Variants in PREX1 observed in about 807,000 individuals in gnomAD.
PREX1 encodes phosphatidylinositol-3,4,5-trisphosphate dependent Rac exchange factor 1, also known as phosphatidylinositol 3,4,5-trisphosphate-dependent Rac exchanger 1 protein.
In PREX1, 41 loss-of-function variants were observed where a neutral mutation model predicts 198.3. That is an observed-to-expected ratio of 0.21 (90% confidence interval 0.16 to 0.27). The LOEUF (loss-of-function observed/expected upper bound fraction) is 0.27, where lower values mean the gene tolerates loss of function less well. Ranked by LOEUF, PREX1 falls within the 10% of genes least tolerant of loss-of-function variation. PREX1 has a pLI of 1.00. For synonymous variants in PREX1, 843 were observed against 887.2 expected (o/e 0.95, Z 0.89); for missense variants, 1,620 against 2,200.7 (o/e 0.74, Z 5.28).
the PREX1 span, among the ~76,000 whole-genome samples, chr20:48,864,592 C>T: frequency 6.6e-6 from 1 of 152,162 alleles, no homozygotes; most frequent in African/African-American, 2.4e-5. Context: ...CATCGCTCAT[C>T]GAAGTCAGGG....
chr20:48,813,664 G>A (rs2090446324), intron 1 of PREX1, among the ~76,000 whole-genome samples: 1 of 152,138 alleles, frequency 6.6e-6, no homozygotes, highest in African/African-American at 2.4e-5. Flanking sequence ...TGGAGACAGG[G>A]AAGAAGAAAG....
chr20:48,697,276 C>G (rs1322456071), intron 7 of PREX1, among the ~76,000 whole-genome samples: 1 of 152,200 alleles, frequency 6.6e-6, no homozygotes, highest in African/African-American at 2.4e-5. Flanking sequence ...ATGAGGACTA[C>G]TTTTATCCCC....
intron 4 of PREX1, among the ~76,000 whole-genome samples, chr20:48,728,546 T>C (rs904038441): frequency 6.6e-6 from 1 of 152,212 alleles, no homozygotes; most frequent in African/African-American, 2.4e-5. Flanking sequence ...AGATGGGGGA[T>C]TGAGGCTGCG....
At position 48,717,907 on chromosome 20, in the gene PREX1, T is replaced by C. The variant is rs188998024; in HGVS notation, c.621+8383A>G. Among the ~76,000 whole-genome samples, 274 of 152,236 alleles carry C rather than the reference T, an allele frequency of 1.8e-3. 1 individual carries two copies. Among genetic ancestry groups the C allele is most frequent in the African/African-American group, 6.3e-3 (260 of 41,530 alleles). ...GCCTATGCCTCTTGGGTATGCAAGGTAGTGATGAGACCAAGCTAAATGTTA... is the reference window on the plus strand; with the variant it reads ...GCCTATGCCTCTTGGGTATGCAAGGCAGTGATGAGACCAAGCTAAATGTTA... On this transcript the variant is annotated intron_variant, in intron 5 of 39. Coordinates refer to ENST00000371941, the MANE Select transcript of PREX1 (RefSeq NM_020820.4).
chr20:48,870,612 G>GCT, the PREX1 span, among the ~76,000 whole-genome samples: 5 of 152,154 alleles, frequency 3.3e-5, no homozygotes, highest in Non-Finnish European at 7.3e-5. Flanking sequence ...CAAGTGCCCT[G>GCT]CTCTCAGATG....
intron 29 of PREX1, among the ~76,000 whole-genome samples, chr20:48,641,527 C>A (rs1472836709): frequency 6.6e-6 from 1 of 151,916 alleles, no homozygotes; most frequent in African/African-American, 2.4e-5. Flanking sequence ...TGGCTCATAC[C>A]TGGAATCCCA....
At position 48,630,775 on chromosome 20, in the gene PREX1, A is replaced by C; in HGVS notation, c.4546T>G (p.Ser1516Ala). The C allele has an allele frequency of 6.3e-7, 1 of 1,592,000 alleles. No individual in the cohort carries two copies. The highest frequency in any genetic ancestry group is 8.6e-7 in the Non-Finnish European group (1 of 1,160,146). The change falls in exon 36 of 40, where the codon TCT becomes GCT. Residue 1516 changes from serine to alanine, a missense_variant. Transcript: ENST00000371941. ...GTGCTGGCATCCGTGGGCAGGTTAG[A>C]CCGCTCCAGGTAAAATGCCCTGCGA... ...RKLRAFYLER[S>A]NLPTDASTTA... is the part of the protein sequence containing the mutation.
rs1184542565 is a variant in PREX1 at position 48,742,729 on chromosome 20, C to T, written c.414+2296G>A. Among the ~76,000 whole-genome samples the T allele has an allele frequency of 2.6e-5, 4 of 152,166 alleles. No homozygotes were observed. The East Asian group carries it at 7.7e-4, about 29-fold the overall frequency. On this transcript the variant is annotated intron_variant, in intron 3 of 39. Coordinates refer to ENST00000371941, the MANE Select transcript of PREX1 (RefSeq NM_020820.4). ...TCATGCACACTGAACTCCCCGTCCCCAGCCCCCCAGCCCTCCGCTGCATCT... is the reference window on the plus strand; with the variant it reads ...TCATGCACACTGAACTCCCCGTCCCTAGCCCCCCAGCCCTCCGCTGCATCT...
chr20:48,679,262 G>A (rs1676062555), intron 13 of PREX1, 98 bp downstream of exon 13: 4 of 1,030,492 alleles, frequency 3.9e-6, no homozygotes, highest in Admixed American at 2.1e-5. Flanking sequence ...ATTTAATGGA[G>A]AAGGAGACTG....
At position 48,785,952 on chromosome 20, in the gene PREX1, G is replaced by A. The variant is rs573430262; in HGVS notation, c.220-38072C>T. Among the ~76,000 whole-genome samples, 19 of 152,318 alleles carry A rather than the reference G, an allele frequency of 1.2e-4. No individual in the cohort carries two copies. In the South Asian group the frequency reaches 1.7e-3, roughly 13 times the overall value. On this transcript the variant is annotated intron_variant, in intron 1 of 39. Transcript: ENST00000371941. ...GCAAAGCCACAGGGCAGAAAGAGCC[G>A]GGATGGATGGGCCGGTGCCTTCCAG...
chr20:48,809,716 G>C (rs184804589), intron 1 of PREX1, among the ~76,000 whole-genome samples: 2 of 152,188 alleles, frequency 1.3e-5, no homozygotes, highest in African/African-American at 2.4e-5. Flanking sequence ...AAACCTGACC[G>C]GGATGGTATC....
chr20:48,636,388 G>T, intron 32 of PREX1, 75 bp downstream of exon 32: 1 of 1,434,630 alleles, frequency 7.0e-7, no homozygotes, highest in Non-Finnish European at 9.3e-7. Context: ...AAGTGGGCAA[G>T]GGCTCCCTCG....
chr20:48,658,334 G>C (rs2089561796), intron 16 of PREX1, 106 bp from the exon 17 acceptor site: 3 of 1,109,964 alleles, frequency 2.7e-6, no homozygotes, highest in African/African-American at 1.6e-5. Context: ...GTCTAGTAGG[G>C]AAGTGGCCAG....
the PREX1 span, among the ~76,000 whole-genome samples, chr20:48,836,900 T>C: frequency 1.5e-5 from 1 of 66,190 alleles, no homozygotes; most frequent in Non-Finnish European, 2.7e-5. Context: ...AGACTCTGTC[T>C]CCAAAAAAAA....
chr20:48,734,820 C>T (rs1431004389), intron 3 of PREX1, among the ~76,000 whole-genome samples, 170 bp from the exon 4 acceptor site: 2 of 152,156 alleles, frequency 1.3e-5, no homozygotes, highest in Admixed American at 6.5e-5. Context: ...ACCAGCTTCC[C>T]AGCCTCCACT....
intron 1 of PREX1, among the ~76,000 whole-genome samples, chr20:48,815,924 C>A (rs1365466708): frequency 6.6e-6 from 1 of 151,584 alleles, no homozygotes; most frequent in South Asian, 2.1e-4. Flanking sequence ...GCAGGAGAAT[C>A]GCTCGAACCT....
In PREX1 at chr20:48,703,365, G is replaced by A. The variant is rs533203327; in HGVS notation, c.784-2479C>T. ...CCTTCGGCTTGGCTGGGGGCCAGGT[G>A]GGCATGGATGCTGGCATGCCCACAG... On this transcript the variant is annotated intron_variant, in intron 6 of 39. Transcript: ENST00000371941. Among the ~76,000 whole-genome samples, 6 of 152,348 alleles carry A rather than the reference G, an allele frequency of 3.9e-5. No individual in the cohort carries two copies. In the East Asian group the frequency reaches 1.2e-3, roughly 29 times the overall value.
At chr20:48,775,006 ACCTGCTT>A (rs1972494370) in intron 1 of PREX1, among the ~76,000 whole-genome samples, 1 of 152,198 alleles carries the variant, frequency 6.6e-6, no homozygotes, top group South Asian at 2.1e-4. Context: ...GGAGACAGGA[ACCTGCTT>A]CCAGCCTCAG....
chr20:48,725,804 C>A (rs1403090631), intron 5 of PREX1, among the ~76,000 whole-genome samples: 2 of 152,198 alleles, frequency 1.3e-5, no homozygotes, highest in African/African-American at 4.8e-5. Flanking sequence ...TGGAGTGAGA[C>A]CATGTCTCAG....
Sources: allele counts gnomAD v4.1 joint callset (sites outside exome capture counted in the v4.1 genomes callset), GRCh38; gene constraint gnomAD v4.1.1; transcripts MANE v1.5; gene names NCBI Gene and HGNC (gene_info 2026-07-23, HGNC 2026-07-21).